STX1A: variants seen among roughly 807,000 people sequenced by gnomAD.
The protein encoded by STX1A is syntaxin-1A.
Under a neutral mutation model 37.8 loss-of-function variants are expected in STX1A, and 4 were observed. The observed-to-expected ratio is 0.11, with a 90% confidence interval of 0.05 to 0.24. STX1A has a LOEUF of 0.24. Ranked by LOEUF, STX1A falls within the 10% of genes least tolerant of loss-of-function variation. The pLI, the probability that STX1A is intolerant of heterozygous loss-of-function variation, is 1.00. For missense variants in STX1A, 251 were observed against 399.9 expected, an observed-to-expected ratio of 0.63 and a Z score of 3.18; for synonymous variants, 135 against 147.4, an observed-to-expected ratio of 0.92 and a Z score of 0.61.
At chr7:73,703,692 G>A in intron 7 of STX1A, 63 bp downstream of exon 7, 1 of 1,551,662 alleles carries the variant, frequency 6.4e-7, no homozygotes, top group East Asian at 2.2e-5. Flanking sequence ...CCAGCACTAG[G>A]GGTCATGGAC....
rs782771068 is a variant in STX1A at position 73,702,265 on chromosome 7, C to T, written c.678+580G>A. Among the ~76,000 whole-genome samples, 3 of 152,180 alleles carry T rather than the reference C, an allele frequency of 2.0e-5. No homozygotes were observed. Among genetic ancestry groups the T allele is most frequent in the African/African-American group, 4.8e-5 (2 of 41,448 alleles). ...ACTCCAACAAAGGCAGCCGCCCCAT[C>T]GTGGTCACGGTGTTACTCTGTGTAA... On this transcript the variant is annotated intron_variant, in intron 8 of 9. Transcript: ENST00000222812. The surrounding 1 kb of genome is among the most constrained non-coding windows in gnomAD (Gnocchi z 4.7).
chr7:73,719,084 T>C (rs28526693), intron 1 of STX1A, among the ~76,000 whole-genome samples: 31,227 of 151,196 alleles, frequency 0.21, 3,597 homozygotes, highest in African/African-American at 0.31. Flanking sequence ...CACCCGACGA[T>C]CAGGTTTCCG....
chr7:73,703,362 T>C, intron 7 of STX1A: 1 of 568,512 alleles, frequency 1.8e-6, no homozygotes, highest in Non-Finnish European at 3.3e-6. Context: ...TCCTCCCCTC[T>C]CTCCTGGAAC....
rs1424672874 is a variant in STX1A at position 73,700,360 on chromosome 7, C to T, written c.*47G>A. 6.2e-7 allele frequency: 1 copy of T among 1,601,778 alleles called. No individual in the cohort carries two copies. The highest frequency in any genetic ancestry group is 8.6e-7 in the Non-Finnish European group (1 of 1,169,060). On this transcript the variant is annotated 3_prime_UTR_variant, in exon 10 of 10. Coordinates refer to ENST00000222812, the MANE Select transcript of STX1A (RefSeq NM_004603.4). This position sits in a 1 kb window ranked among gnomAD's most constrained non-coding sequence, Gnocchi z 4.4. ...CCAGCCAGGTGGCAGCAGCCAGGGC[C>T]TCCTTGGAGTGGCCCACCTGGAGTG...
At position 73,700,463 on chromosome 7, in the gene STX1A, AGAT is replaced by A. The variant is rs782282599; in HGVS notation, c.808_810del (p.Ile270del). 6.2e-7 allele frequency: 1 copy of A among 1,614,056 alleles called. No homozygotes were observed. Among genetic ancestry groups the A allele is most frequent in the South Asian group, 1.1e-5 (1 of 91,080 alleles). On this transcript the variant is annotated inframe_deletion, in exon 10 of 10. Coordinates refer to ENST00000222812, the MANE Select transcript of STX1A (RefSeq NM_004603.4). This position sits in a 1 kb window ranked among gnomAD's most constrained non-coding sequence, Gnocchi z 4.4. ...ATGACGATGCCCAGGATCACACAGC[AGAT>A]GATGATCATGATTTTCTTCTGCATG... is the stretch of plus-strand genomic sequence containing the variant.
Position 73,703,496 on chromosome 7 carries a change from A to T in STX1A, c.540+259T>A. 3 of 677,506 alleles carry T rather than the reference A, an allele frequency of 4.4e-6. No individual in the cohort carries two copies. In the South Asian group the frequency reaches 4.5e-5, roughly 10 times the overall value. 42.0% of individuals were successfully genotyped at this position (677,506 alleles called of 1,614,324 possible). On this transcript the variant is annotated intron_variant, in intron 7 of 9. Transcript: ENST00000222812. ...CAGGAGAGGAAAAGGGCCCACGGAT[A>T]AGAGGAGGAGCCGCTGGCCGCCGGC...
At chr7:73,703,909 C>CTCGGCT in intron 6 of STX1A, 81 bp from the exon 7 acceptor site, 1 of 1,480,580 alleles carries the variant, frequency 6.8e-7, no homozygotes, top group Non-Finnish European at 9.1e-7. Flanking sequence ...CCCTCCGTCC[C>CTCGGCT]AGGCCCGGGC....
Position 73,709,673 on chromosome 7 carries a change from C to T in STX1A, c.31-551G>A, listed in dbSNP as rs1470568679. Reference sequence around the variant, plus strand: ...AAGCGATCCTCCCAACTCAGCATCCCGAGTAGCTGGAATTATAGGTTTCCA... The same window carrying T: ...AAGCGATCCTCCCAACTCAGCATCCTGAGTAGCTGGAATTATAGGTTTCCA... On this transcript the variant is annotated intron_variant, in intron 1 of 9. Transcript: ENST00000222812. This position sits in a 1 kb window ranked among gnomAD's most constrained non-coding sequence, Gnocchi z 4.2. Among the ~76,000 whole-genome samples the T allele has an allele frequency of 6.6e-6, 1 of 152,068 alleles. No homozygotes were observed. Among genetic ancestry groups the T allele is most frequent in the Admixed American group, 6.5e-5 (1 of 15,272 alleles).
intron 8 of STX1A, chr7:73,701,151 G>A (rs1156824747): frequency 5.1e-6 from 3 of 593,058 alleles, no homozygotes; most frequent in Non-Finnish European, 9.0e-6. Flanking sequence ...CCAGGCAGAG[G>A]AAGGTGGGAG....
rs1483782009 is a variant in STX1A at position 73,719,658 on chromosome 7, C to A, written c.-27G>T. On this transcript the variant is annotated 5_prime_UTR_variant, in exon 1 of 10. Transcript: ENST00000222812. ...CTCCCGGGAGTGGCAGCGGCGCCGG[C>A]TGCAGCCGTGTGAGCCCCGCATGCG... The A allele has an allele frequency of 3.4e-6, 4 of 1,179,642 alleles. No individual in the cohort carries two copies. The highest frequency in any genetic ancestry group is 4.2e-6 in the Non-Finnish European group (4 of 951,242). The allele number at this position is 1,179,642 out of a possible 1,614,324, so 73.1% of individuals were successfully genotyped here. A position where few individuals can be genotyped will look rare whatever the true frequency, so the allele number is the denominator to read the frequency against.
intron 7 of STX1A, 106 bp from the exon 8 acceptor site, chr7:73,703,088 C>T (rs1584241631): frequency 3.3e-6 from 3 of 898,942 alleles, no homozygotes; most frequent in South Asian, 1.7e-5. Flanking sequence ...CGGAAGGGGG[C>T]CTGAGGCTTC....
chr7:73,716,592 C>G (rs1799296461), intron 1 of STX1A: 1 of 152,592 alleles, frequency 6.6e-6, no homozygotes, highest in Non-Finnish European at 1.5e-5. Context: ...TTCTCTCCTC[C>G]TATTCAAATC....
chr7:73,703,616 T>C (rs1362232310), intron 7 of STX1A, 139 bp downstream of exon 7: 1 of 1,019,750 alleles, frequency 9.8e-7, no homozygotes, highest in Non-Finnish European at 1.5e-6. Context: ...TGTTTTCCCC[T>C]CTCTGGGACT....
rs1554616707 is a variant in STX1A at position 73,705,300 on chromosome 7, A to C, written c.209-76T>G. On this transcript the variant is annotated intron_variant, in intron 3 of 9. Transcript: ENST00000222812. This position sits in a 1 kb window ranked among gnomAD's most constrained non-coding sequence, Gnocchi z 5.2. ...GATGTGCAGGCTCAGCCTCCAGCCC[A>C]GGGGGCCCAGTGGGAGGCTCTGGGA... 1.2e-5 allele frequency: 15 copies of C among 1,261,238 alleles called. No individual in the cohort carries two copies. Among genetic ancestry groups the C allele is most frequent in the Non-Finnish European group, 1.7e-5 (15 of 863,532 alleles). 78.1% of individuals were successfully genotyped at this position (1,261,238 alleles called of 1,614,324 possible). A position where few individuals can be genotyped will look rare whatever the true frequency, so the allele number is the denominator to read the frequency against.
chr7:73,703,842 G>T lies in STX1A; in HGVS notation c.467-14C>A. On this transcript the variant is annotated splice_polypyrimidine_tract_variant and intron_variant, in intron 6 of 9. Coordinates refer to ENST00000222812, the MANE Select transcript of STX1A (RefSeq NM_004603.4). ...TGGTCCTGCCGGCTGCAAGCGAGTG[G>T]GGTCACACTGAGCCCAGCCCTCTTC... The T allele has an allele frequency of 6.2e-7, 1 of 1,612,108 alleles. No individual in the cohort carries two copies. The highest frequency in any genetic ancestry group is 1.1e-5 in the South Asian group (1 of 90,922).
chr7:73,703,900 C>T (rs565030154), intron 6 of STX1A, 72 bp from the exon 7 acceptor site: 3 of 1,520,422 alleles, frequency 2.0e-6, no homozygotes, highest in Admixed American at 1.9e-5. Flanking sequence ...GGCCCCGCCC[C>T]CTCCGTCCCA....
Position 73,705,070 on chromosome 7 carries a change from G to A in STX1A, c.283+80C>T, listed in dbSNP as rs377638662. 2.6e-5 allele frequency: 36 copies of A among 1,391,772 alleles called. No homozygotes were observed. The East Asian group carries it at 6.2e-4, about 24-fold the overall frequency. 86.2% of individuals were successfully genotyped at this position (1,391,772 alleles called of 1,614,324 possible). On this transcript the variant is annotated intron_variant, in intron 4 of 9. Coordinates refer to ENST00000222812, the MANE Select transcript of STX1A (RefSeq NM_004603.4). The surrounding 1 kb of genome is among the most constrained non-coding windows in gnomAD (Gnocchi z 5.2). ...AGCAAGATCCGGCGCACCCCCTCAGGGCGAGCAAAACCCCATGGGCTCCGC... is the reference window on the plus strand; with the variant it reads ...AGCAAGATCCGGCGCACCCCCTCAGAGCGAGCAAAACCCCATGGGCTCCGC...
chr7:73,700,509 G>A lies in STX1A; in HGVS notation c.790-25C>T, dbSNP rs1554615670. 1 of 1,612,902 alleles carries A rather than the reference G, an allele frequency of 6.2e-7. No homozygotes were observed. The highest frequency in any genetic ancestry group is 1.7e-5 in the Admixed American group (1 of 59,844). On this transcript the variant is annotated intron_variant, in intron 9 of 9. Coordinates refer to ENST00000222812, the MANE Select transcript of STX1A (RefSeq NM_004603.4). The surrounding 1 kb of genome is among the most constrained non-coding windows in gnomAD (Gnocchi z 4.4). ...TCTGCATGGGAAGCGGGCAGGAGAG[G>A]CCTCAGACAGTGTTGGCGGCAGGTG...
chr7:73,710,051 T>C (rs1348063601), intron 1 of STX1A, among the ~76,000 whole-genome samples: 1 of 152,170 alleles, frequency 6.6e-6, no homozygotes, highest in African/African-American at 2.4e-5. Context: ...GTCTTGCCAT[T>C]GGACCTCGGT....
Sources: allele counts gnomAD v4.1 joint callset (sites outside exome capture counted in the v4.1 genomes callset), GRCh38; gene constraint gnomAD v4.1.1; non-coding constraint Gnocchi (gnomAD v3.1); transcripts MANE v1.5; gene names NCBI Gene and HGNC (gene_info 2026-07-23, HGNC 2026-07-21).